Variants in ZNF385D observed in about 807,000 individuals in gnomAD.
ZNF385D encodes zinc finger protein 385D.
ZNF385D carries 15 observed loss-of-function variants against 35.8 expected under a neutral mutation model. That is an observed-to-expected ratio of 0.42 (90% CI 0.28 to 0.64). The LOEUF (loss-of-function observed/expected upper bound fraction) is 0.64, where lower values mean the gene tolerates loss of function less well. Among genes scored for constraint, ZNF385D ranks in the 30% least tolerant of loss-of-function variants. The pLI is 0.23. For missense variants in ZNF385D, 474 were observed against 494.6 expected (o/e 0.96, Z 0.39); for synonymous variants, 212 against 186.8 (o/e 1.13, Z -1.10).
At chr3:21,610,190 A>G (rs1488736861) in intron 2 of ZNF385D, among the ~76,000 whole-genome samples, 2 of 152,238 alleles carry the variant, frequency 1.3e-5, no homozygotes, top group East Asian at 1.9e-4. Context: ...ACATAGAAAT[A>G]TATTTTTATA....
intron 1 of ZNF385D, among the ~76,000 whole-genome samples, chr3:21,732,047 T>TTTGAGAACGGAG (rs2069034381): frequency 1.8e-5 from 1 of 54,144 alleles, no homozygotes; most frequent in Non-Finnish European, 4.7e-5. Flanking sequence ...TTTTTTTTTT[T>TTTGAGAACGGAG]TTTTTTTTTT....
intron 3 of ZNF385D, among the ~76,000 whole-genome samples, chr3:22,112,405 A>G (rs9310681): frequency 0.58 from 88,207 of 151,990 alleles, 27,042 homozygotes; most frequent in African/African-American, 0.75. Flanking sequence ...AATATTATAC[A>G]GCATATACTT....
intron 3 of ZNF385D, among the ~76,000 whole-genome samples, chr3:22,007,605 T>A (rs919336153): frequency 6.6e-6 from 1 of 152,222 alleles, no homozygotes; most frequent in Admixed American, 6.5e-5. Flanking sequence ...CTATGAGCCA[T>A]GTATGAAAGT....
chr3:22,217,288 C>T (rs1408230265), intron 2 of ZNF385D, among the ~76,000 whole-genome samples: 1 of 152,130 alleles, frequency 6.6e-6, no homozygotes, highest in Non-Finnish European at 1.5e-5. Flanking sequence ...TTCCCTTTTT[C>T]TGCTCCCTGA....
intron 4 of ZNF385D, among the ~76,000 whole-genome samples, chr3:21,452,696 GA>G (rs1404786338): frequency 1.3e-5 from 2 of 151,772 alleles, no homozygotes; most frequent in Non-Finnish European, 2.9e-5. Context: ...AACAATGTTG[GA>G]AAAAAATAGA....
At chr3:22,109,435 G>C (rs539903224) in intron 3 of ZNF385D, among the ~76,000 whole-genome samples, 140 of 152,288 alleles carry the variant, frequency 9.2e-4, no homozygotes, top group African/African-American at 3.2e-3. Context: ...TAAAGCTTGA[G>C]CTATCTGAGG....
intron 4 of ZNF385D, among the ~76,000 whole-genome samples, chr3:21,450,070 A>C (rs903059834): frequency 6.6e-6 from 1 of 152,182 alleles, no homozygotes; most frequent in Non-Finnish European, 1.5e-5. Context: ...GCAGGCAGAC[A>C]ATGTATTGAC....
chr3:21,761,070 C>G (rs555246689), intron 3 of ZNF385D, among the ~76,000 whole-genome samples: 2 of 152,228 alleles, frequency 1.3e-5, no homozygotes, highest in African/African-American at 4.8e-5. Context: ...TGAGGACACT[C>G]AAGAAGCCCT....
intron 3 of ZNF385D, among the ~76,000 whole-genome samples, chr3:21,832,809 A>T (rs1476583748): frequency 6.6e-6 from 1 of 152,172 alleles, no homozygotes; most frequent in Admixed American, 6.6e-5. Context: ...AGTTTACCTG[A>T]TTCTATGAGC....
intron 2 of ZNF385D, among the ~76,000 whole-genome samples, chr3:22,169,578 T>TGCAAAA (rs1706551753): frequency 6.6e-6 from 1 of 152,206 alleles, no homozygotes; most frequent in Non-Finnish European, 1.5e-5. Flanking sequence ...GCAAAGATAC[T>TGCAAAA]AACACTCTTT....
At chr3:21,807,309 T>C (rs1355773005) in intron 3 of ZNF385D, among the ~76,000 whole-genome samples, 1 of 152,206 alleles carries the variant, frequency 6.6e-6, no homozygotes, top group Admixed American at 6.5e-5. Flanking sequence ...TTTCAAGTGT[T>C]TTAATACTAC....
At chr3:21,649,642 G>T (rs1373458237) in intron 2 of ZNF385D, among the ~76,000 whole-genome samples, 1 of 151,974 alleles carries the variant, frequency 6.6e-6, no homozygotes, top group East Asian at 1.9e-4. Flanking sequence ...ATAGCTCAAA[G>T]CACCAAATTT....
At chr3:21,516,726 A>G (rs1707591367) in intron 3 of ZNF385D, among the ~76,000 whole-genome samples, 1 of 152,198 alleles carries the variant, frequency 6.6e-6, no homozygotes, top group Non-Finnish European at 1.5e-5. Context: ...TCGTGCATGC[A>G]TACCTGAGTT....
intron 2 of ZNF385D, among the ~76,000 whole-genome samples, chr3:22,254,378 C>T (rs1421504956): frequency 1.3e-5 from 2 of 151,770 alleles, no homozygotes; most frequent in Non-Finnish European, 2.9e-5. Flanking sequence ...TGGTTGTCCT[C>T]TCCAGTGACA....
chr3:21,529,720 G>A (rs936946582), intron 3 of ZNF385D, among the ~76,000 whole-genome samples: 1 of 152,260 alleles, frequency 6.6e-6, no homozygotes, highest in African/African-American at 2.4e-5. Context: ...TCTAGGAGCT[G>A]AGCATTAGTC....
chr3:21,562,124 C>G (rs1271154651), intron 3 of ZNF385D: 1 of 152,024 alleles, frequency 6.6e-6, no homozygotes, highest in Non-Finnish European at 1.5e-5. Context: ...GAATGAGAAG[C>G]CAGTTGTCCC....
chr3:22,356,450 G>A (rs896514334), intron 2 of ZNF385D, among the ~76,000 whole-genome samples: 1 of 151,884 alleles, frequency 6.6e-6, no homozygotes, highest in African/African-American at 2.4e-5. Flanking sequence ...GCAAATCTAA[G>A]AAACGTGAGA....
At chr3:22,372,652 G>T (rs1365992156) in exon 2 of ZNF385D, 2 of 271,206 alleles carry the variant, frequency 7.4e-6, no homozygotes, top group Admixed American at 6.5e-5. Context: ...CGTGAGCGGC[G>T]GCCAAGGAGA....
intron 3 of ZNF385D, among the ~76,000 whole-genome samples, chr3:22,127,806 A>G (rs770656493): frequency 3.3e-5 from 5 of 151,300 alleles, no homozygotes; most frequent in Non-Finnish European, 7.4e-5. Flanking sequence ...CACCTCTCCC[A>G]CTCTTTAACT....
Sources: gnomAD v4.1 joint callset for allele counts (sites outside exome capture counted in the v4.1 genomes callset) on GRCh38, gnomAD v4.1.1 for gene constraint, MANE v1.5 for transcripts, NCBI Gene and HGNC (gene_info 2026-07-23, HGNC 2026-07-21) for gene names.